The following PLA2R1 variants were observed in gnomAD, a reference collection of about 807,000 sequenced individuals.
PLA2R1 encodes phospholipase A2 receptor 1, also known as secretory phospholipase A2 receptor.
Under a neutral mutation model 195.9 loss-of-function variants are expected in PLA2R1, and 158 were observed. The observed-to-expected ratio is 0.81, with a 90% confidence interval of 0.71 to 0.92. The LOEUF (loss-of-function observed/expected upper bound fraction) is 0.92, where lower values mean the gene tolerates loss of function less well. Ranked by LOEUF, PLA2R1 falls within the 40% of genes least tolerant of loss-of-function variation. The pLI is 0.00. For synonymous variants in PLA2R1, 586 were observed against 598.2 expected, an observed-to-expected ratio of 0.98 and a Z score of 0.30; for missense variants, 1,626 against 1,764.6, an observed-to-expected ratio of 0.92 and a Z score of 1.41.
intron 17 of PLA2R1, among the ~76,000 whole-genome samples, chr2:159,972,442 C>G (rs1401363142): frequency 6.6e-6 from 1 of 152,140 alleles, no homozygotes; most frequent in Non-Finnish European, 1.5e-5. Context: ...TATTTACAAA[C>G]AGCCATTATA....
chr2:159,952,333 T>C (rs1253753870), intron 23 of PLA2R1, among the ~76,000 whole-genome samples: 2 of 152,172 alleles, frequency 1.3e-5, no homozygotes, highest in Non-Finnish European at 2.9e-5. Context: ...GCATTTGCCT[T>C]TCTGTTTACA....
intron 7 of PLA2R1, among the ~76,000 whole-genome samples, chr2:160,020,937 CA>C (rs1467047979): frequency 3.3e-5 from 5 of 152,124 alleles, no homozygotes; most frequent in African/African-American, 9.7e-5. Context: ...AAAGCCTAAG[CA>C]AGTTGGATTC....
At chr2:159,927,410 C>T (rs1686519338), downstream of PLA2R1, among the ~76,000 whole-genome samples, 1 of 152,164 alleles carries the variant, frequency 6.6e-6, no homozygotes, top group Non-Finnish European at 1.5e-5. Flanking sequence ...TGGAGCAAAA[C>T]AGAAGCAACC....
At chr2:160,002,524 T>C (rs762213244) in intron 11 of PLA2R1, among the ~76,000 whole-genome samples, 9 of 151,964 alleles carry the variant, frequency 5.9e-5, no homozygotes, top group Non-Finnish European at 1.2e-4. Context: ...GGACTAGTTT[T>C]CCCTATGAAA....
Position 159,969,246 on chromosome 2 carries a change from G to C in PLA2R1, c.2764+10C>G, listed in dbSNP as rs777851408. On this transcript the variant is annotated intron_variant, in intron 19 of 29. Transcript: ENST00000283243. ...GTATTATAAACCCAAAAATGGGTAAGTAAAATAACCTGTTATAGAAGAAAT... is the reference window on the plus strand; with the variant it reads ...GTATTATAAACCCAAAAATGGGTAACTAAAATAACCTGTTATAGAAGAAAT... The C allele has an allele frequency of 1.3e-5, 19 of 1,469,812 alleles. No homozygotes were observed. Among genetic ancestry groups the C allele is most frequent in the Admixed American group, 1.7e-5 (1 of 58,370 alleles). 91.0% of individuals were successfully genotyped at this position (1,469,812 alleles called of 1,614,324 possible). A position where few individuals can be genotyped will look rare whatever the true frequency, so the allele number is the denominator to read the frequency against.
At chr2:159,945,834 T>C in intron 27 of PLA2R1, 1 of 959,810 alleles carries the variant, frequency 1.0e-6, no homozygotes, top group South Asian at 4.8e-5. Flanking sequence ...CTCTTTATTT[T>C]AGGTACAGTG....
the PLA2R1 span, among the ~76,000 whole-genome samples, chr2:159,926,309 ATGAC>A: frequency 3.1e-4 from 47 of 152,320 alleles, no homozygotes; most frequent in African/African-American, 1.1e-3. Context: ...AAGGCGATAA[ATGAC>A]TGCTTTTTAT....
chr2:160,049,664 A>G (rs745537422), intron 1 of PLA2R1, among the ~76,000 whole-genome samples: 20 of 152,100 alleles, frequency 1.3e-4, no homozygotes, highest in Non-Finnish European at 2.1e-4. Flanking sequence ...GGTCTCTACT[A>G]AGGATACAAA....
At chr2:159,977,221 T>C (rs1689623696) in intron 15 of PLA2R1, 63 bp downstream of exon 15, 1 of 1,272,070 alleles carries the variant, frequency 7.9e-7, no homozygotes. Flanking sequence ...GTGTTTAAAT[T>C]GGGAAAGTAC....
At chr2:159,924,940 C>G in the PLA2R1 span, among the ~76,000 whole-genome samples, 1 of 152,068 alleles carries the variant, frequency 6.6e-6, no homozygotes, top group Non-Finnish European at 1.5e-5. Context: ...GCATATTACT[C>G]CTGTGGTGCC....
At chr2:159,955,416 AAG>A in intron 22 of PLA2R1, 70 bp from the exon 23 acceptor site, 1 of 981,208 alleles carries the variant, frequency 1.0e-6, no homozygotes, top group Non-Finnish European at 1.5e-6. Flanking sequence ...AATTTTTATT[AAG>A]ACATTATTTT....
chr2:160,004,270 T>C (rs1511215), intron 11 of PLA2R1, among the ~76,000 whole-genome samples: 131,129 of 152,194 alleles, frequency 0.86, 56,717 homozygotes, highest in African/African-American at 0.92. Context: ...AAATTAGAAC[T>C]GTTCTGGGCA....
rs766681288 is a variant in PLA2R1 at position 160,020,190 on chromosome 2, A to G, written c.1368T>C (p.Ser456=). 5.0e-6 allele frequency: 8 copies of G among 1,607,962 alleles called. No homozygotes were observed. The highest frequency in any genetic ancestry group is 6.8e-6 in the Non-Finnish European group (8 of 1,174,356). ...IPVSFEWSND[S]SVIFTNWHTL... Reference sequence around the variant, plus strand: ...TGTGCCAATTAGTAAAGATGACTGAAGAGTCATTAGACCATTCAAAGGAAA... The same window carrying G: ...TGTGCCAATTAGTAAAGATGACTGAGGAGTCATTAGACCATTCAAAGGAAA... The change falls in exon 8 of 30, where the codon TCT becomes TCC. Residue 456 remains serine (S), a synonymous_variant. Transcript: ENST00000283243.
chr2:160,013,196 G>T, intron 10 of PLA2R1, 67 bp downstream of exon 10: 3 of 728,258 alleles, frequency 4.1e-6, no homozygotes, highest in Non-Finnish European at 7.3e-6. Flanking sequence ...ATTGTAGCTA[G>T]ATTTTATCAT....
At chr2:159,947,357 T>C in intron 26 of PLA2R1, 62 bp downstream of exon 26, 2 of 1,397,574 alleles carry the variant, frequency 1.4e-6, no homozygotes, top group East Asian at 4.7e-5. Context: ...AAATCCACAT[T>C]GTTTACTGAA....
At chr2:159,985,584 T>C (rs1405274903) in intron 12 of PLA2R1, among the ~76,000 whole-genome samples, 4 of 152,186 alleles carry the variant, frequency 2.6e-5, no homozygotes, top group African/African-American at 7.2e-5. Context: ...CACACACATA[T>C]ATACACATAC....
chr2:160,020,404 G>T, intron 7 of PLA2R1, 141 bp from the exon 8 acceptor site: 1 of 614,464 alleles, frequency 1.6e-6, no homozygotes, highest in South Asian at 2.2e-5. Flanking sequence ...TTTAAGTCTT[G>T]GTATAAAATG....
chr2:160,020,404 G>A (rs1453735334), intron 7 of PLA2R1, 141 bp from the exon 8 acceptor site: 1 of 614,464 alleles, frequency 1.6e-6, no homozygotes, highest in Non-Finnish European at 2.8e-6. Context: ...TTTAAGTCTT[G>A]GTATAAAATG....
At chr2:159,964,709 T>A (rs1042898960) in intron 20 of PLA2R1, among the ~76,000 whole-genome samples, 33 of 151,636 alleles carry the variant, frequency 2.2e-4, no homozygotes, top group Middle Eastern at 3.4e-3. Flanking sequence ...CCCTTTTTTT[T>A]AAAAAAAAAT....
Sources: gnomAD v4.1 joint callset for allele counts (sites outside exome capture counted in the v4.1 genomes callset) on GRCh38, gnomAD v4.1.1 for gene constraint, MANE v1.5 for transcripts, NCBI Gene and HGNC (gene_info 2026-07-23, HGNC 2026-07-21) for gene names.